Variants in CALCR observed in about 807,000 individuals in gnomAD.
The protein encoded by CALCR is calcitonin receptor.
CALCR carries 47 observed loss-of-function variants against 59.5 expected under a neutral mutation model. That is an observed-to-expected ratio of 0.79 (90% confidence interval 0.63 to 1.01). The LOEUF is 1.01. CALCR is among the 50% of genes least tolerant of loss of function. The probability of loss-of-function intolerance (pLI) is 0.00; values close to 1 mark genes in which losing one functional copy is unlikely to be tolerated. For synonymous variants in CALCR, 213 were observed against 211.3 expected (o/e 1.01, Z -0.07); for missense variants, 566 against 597.1 (o/e 0.95, Z 0.54).
chr7:93,527,873 T>C (rs1362041895), intron 2 of CALCR, among the ~76,000 whole-genome samples: 1 of 152,170 alleles, frequency 6.6e-6, no homozygotes, highest in Non-Finnish European at 1.5e-5. Flanking sequence ...ATTAAAGCCA[T>C]AGCATCTTTA....
intron 8 of CALCR, among the ~76,000 whole-genome samples, chr7:93,454,637 A>C (rs1800172784): frequency 6.6e-6 from 1 of 151,948 alleles, no homozygotes; most frequent in African/African-American, 2.4e-5. Flanking sequence ...ATAACATTTC[A>C]GATATTATGG....
In CALCR at chr7:93,476,948, C is replaced by T. The variant is rs566174545; in HGVS notation, c.316+610G>A. Among the ~76,000 whole-genome samples, 5 of 152,044 alleles carry T rather than the reference C, an allele frequency of 3.3e-5. No homozygotes were observed. In the East Asian group the frequency reaches 9.7e-4, roughly 30 times the overall value. On this transcript the variant is annotated intron_variant, in intron 5 of 13. Coordinates refer to ENST00000426151, the MANE Select transcript of CALCR (RefSeq NM_001742.4). The stretch of plus-strand genomic sequence containing the variant: ...CACTGGTTTTAAAAGAGGTCCTCTG[C>T]AATTCCACTTCCATTATCTCTGCCT...
chr7:93,485,970 C>T (rs1357207025), intron 3 of CALCR, among the ~76,000 whole-genome samples: 1 of 151,470 alleles, frequency 6.6e-6, no homozygotes, highest in Non-Finnish European at 1.5e-5. Context: ...TTATGAAATA[C>T]TAGCAATATT....
At chr7:93,550,598 A>AACACACACAC (rs201729250) in intron 2 of CALCR, among the ~76,000 whole-genome samples, 11,418 of 121,764 alleles carry the variant, frequency 0.094, 536 homozygotes, top group Non-Finnish European at 0.11. Context: ...ATTTGGGCTA[A>AACACACACAC]ACACACACAC....
chr7:93,546,879 A>G (rs932811661), intron 2 of CALCR, among the ~76,000 whole-genome samples: 5 of 152,012 alleles, frequency 3.3e-5, no homozygotes, highest in African/African-American at 1.2e-4. Flanking sequence ...AATTCAAAGG[A>G]TGTTATTAGA....
chr7:93,553,440 T>A (rs1163819388), intron 2 of CALCR, among the ~76,000 whole-genome samples: 1 of 152,048 alleles, frequency 6.6e-6, no homozygotes, highest in Non-Finnish European at 1.5e-5. Context: ...GTGCTAGGTT[T>A]ACAAAATGCA....
chr7:93,484,919 T>C (rs932189180), intron 3 of CALCR, among the ~76,000 whole-genome samples: 2 of 151,694 alleles, frequency 1.3e-5, no homozygotes, highest in African/African-American at 4.8e-5. Context: ...TTATGGTTAA[T>C]GGAAAGAGGC....
chr7:93,456,930 T>A (rs1273026724), intron 8 of CALCR, among the ~76,000 whole-genome samples: 1 of 152,116 alleles, frequency 6.6e-6, no homozygotes, highest in African/African-American at 2.4e-5. Context: ...ATCAGGTGCC[T>A]AGTGGCAGAG....
intron 2 of CALCR, among the ~76,000 whole-genome samples, chr7:93,569,783 A>C (rs1789958171): frequency 6.6e-6 from 1 of 152,176 alleles, no homozygotes; most frequent in Non-Finnish European, 1.5e-5. Context: ...TGGGAGAATG[A>C]TTAATACATT....
intron 2 of CALCR, among the ~76,000 whole-genome samples, chr7:93,500,044 C>T (rs559056856): frequency 6.6e-6 from 1 of 151,756 alleles, no homozygotes; most frequent in South Asian, 2.1e-4. Context: ...TTCAAATATC[C>T]CCAACTTCTC....
chr7:93,538,088 T>C (rs1789038695), intron 2 of CALCR, among the ~76,000 whole-genome samples: 1 of 151,948 alleles, frequency 6.6e-6, no homozygotes, highest in African/African-American at 2.4e-5. Flanking sequence ...ATGAAGAACA[T>C]AGAACATATA....
chr7:93,472,268 C>T lies in CALCR; in HGVS notation c.429+107G>A. On this transcript the variant is annotated intron_variant, in intron 6 of 13. Transcript: ENST00000426151. Reference sequence around the variant, plus strand: ...CCAGTTATCATATGATTTCTTTCCACAAAACCTGTTGGCTTCTTTGTGGCA... The same window carrying T: ...CCAGTTATCATATGATTTCTTTCCATAAAACCTGTTGGCTTCTTTGTGGCA... The T allele has an allele frequency of 7.5e-6, 5 of 664,886 alleles. No individual in the cohort carries two copies. The South Asian group carries it at 7.9e-5, about 11-fold the overall frequency. The allele number at this position is 664,886 out of a possible 1,614,324, so 41.2% of individuals were successfully genotyped here.
intron 2 of CALCR, among the ~76,000 whole-genome samples, chr7:93,561,171 A>G (rs965564200): frequency 6.6e-6 from 1 of 152,320 alleles, no homozygotes; most frequent in Non-Finnish European, 1.5e-5. Flanking sequence ...GTGCAGATCA[A>G]ATGAGATGCT....
intron 2 of CALCR, among the ~76,000 whole-genome samples, chr7:93,500,156 C>A (rs1412182970): frequency 6.6e-6 from 1 of 151,818 alleles, no homozygotes; most frequent in Admixed American, 6.6e-5. Flanking sequence ...TAGGGTCCAA[C>A]CTAGTTCATG....
chr7:93,561,213 C>T (rs1210184078), intron 2 of CALCR, among the ~76,000 whole-genome samples: 1 of 152,148 alleles, frequency 6.6e-6, no homozygotes, highest in African/African-American at 2.4e-5. Context: ...GTTGCATGCA[C>T]ATGACTCAGT....
chr7:93,476,895 A>G (rs188116439), intron 5 of CALCR, among the ~76,000 whole-genome samples: 56 of 152,008 alleles, frequency 3.7e-4, no homozygotes, highest in Non-Finnish European at 6.9e-4. Flanking sequence ...TTCCATCACA[A>G]TGGGAATTCC....
rs201729250 is a variant in CALCR at position 93,550,598 on chromosome 7, AACACAC to A, written c.-27+23685_-27+23690del. Among the ~76,000 whole-genome samples, 102 of 121,922 alleles carry A rather than the reference AACACAC, an allele frequency of 8.4e-4. 1 individual carries two copies. The highest frequency in any genetic ancestry group is 2.2e-3 in the Admixed American group (27 of 12,542). The allele number at this position is 121,922 out of a possible 152,430, so 80.0% of individuals were successfully genotyped here. ...TAACCAAGCATTTCCATTTGGGCTAAACACACACACACACACACACACACACACACA... is the reference window on the plus strand; with the variant it reads ...TAACCAAGCATTTCCATTTGGGCTAAACACACACACACACACACACACACA... On this transcript the variant is annotated intron_variant, in intron 2 of 13. Transcript: ENST00000426151.
chr7:93,488,582 G>GCAAAAAAAAAAAAAAAAAAAAAAA lies in CALCR; in HGVS notation c.-26-1576_-26-1575insTTTTTTTTTTTTTTTTTTTTTTTG, dbSNP rs770479251. On this transcript the variant is annotated intron_variant, in intron 2 of 13. Transcript: ENST00000426151. ...GGAAAATTTACCAAGCAAATGGAAA[G>GCAAAAAAAAAAAAAAAAAAAAAAA]AAAAAAAAAAAAAAAAAAAGCATGG... 8.1e-4 allele frequency among the ~76,000 whole-genome samples: 63 copies of GCAAAAAAAAAAAAAAAAAAAAAAA among 78,004 alleles called. 10 individuals carry two copies. Among genetic ancestry groups the GCAAAAAAAAAAAAAAAAAAAAAAA allele is most frequent in the East Asian group, 1.3e-3 (3 of 2,262 alleles). The allele number at this position is 78,004 out of a possible 152,430, so 51.2% of individuals were successfully genotyped here.
chr7:93,495,960 T>C lies in CALCR; in HGVS notation c.-26-8953A>G, dbSNP rs1449212393. ...GGGGTGGCAAAAGTGGGTGGATCAG[T>C]GGGAATCATTTATTCTGTGAATAAA... On this transcript the variant is annotated intron_variant, in intron 2 of 13. Transcript: ENST00000426151. The C allele has an allele frequency of 1.9e-5, 29 of 1,513,230 alleles. No individual in the cohort carries two copies. In the Admixed American group the frequency reaches 5.2e-4, roughly 27 times the overall value. The allele number at this position is 1,513,230 out of a possible 1,614,324, so 93.7% of individuals were successfully genotyped here.
Sources: allele counts gnomAD v4.1 joint callset (sites outside exome capture counted in the v4.1 genomes callset), GRCh38; gene constraint gnomAD v4.1.1; transcripts MANE v1.5; gene names NCBI Gene and HGNC (gene_info 2026-07-23, HGNC 2026-07-21).